The following SLC4A8 variants were observed in gnomAD, a reference collection of about 807,000 sequenced individuals.
SLC4A8 encodes the protein electroneutral sodium bicarbonate exchanger 1.
Under a neutral mutation model 125.0 loss-of-function variants are expected in SLC4A8, and 40 were observed. The observed-to-expected ratio is 0.32, with a 90% CI of 0.25 to 0.42. SLC4A8 has a LOEUF of 0.42. Among genes scored for constraint, SLC4A8 ranks in the 10% least tolerant of loss-of-function variants. The pLI, the probability that SLC4A8 is intolerant of heterozygous loss-of-function variation, is 1.00. For missense variants in SLC4A8, 863 were observed against 1,355.1 expected (o/e 0.64, Z 5.70); for synonymous variants, 456 against 476.0 (o/e 0.96, Z 0.55).
At chr12:51,455,072 C>A (rs1950094537) in intron 5 of SLC4A8, among the ~76,000 whole-genome samples, 1 of 130,724 alleles carries the variant, frequency 7.6e-6, no homozygotes, top group Non-Finnish European at 1.6e-5. Flanking sequence ...GCCCTTAATC[C>A]ATTTAACTCT....
At position 51,497,064 on chromosome 12, in the gene SLC4A8, C is replaced by T; in HGVS notation, c.3021C>T (p.Leu1007=). The T allele has an allele frequency of 6.2e-7, 1 of 1,613,740 alleles. No homozygotes were observed. Residue 1007 remains leucine, a synonymous_variant, in exon 22 of 25, where the codon CTC becomes CTT. Transcript: ENST00000453097. ...SKRELSWLDD[L]MPESKKKKLD... ...GAGAGCTGAGCTGGCTAGATGATCTCATGCCTGAAAGCAAAAAGAAGAAGT... is the reference window on the plus strand; with the variant it reads ...GAGAGCTGAGCTGGCTAGATGATCTTATGCCTGAAAGCAAAAAGAAGAAGT...
At chr12:51,492,545 C>T (rs551192840) in intron 19 of SLC4A8, among the ~76,000 whole-genome samples, 3 of 152,350 alleles carry the variant, frequency 2.0e-5, no homozygotes, top group South Asian at 2.1e-4. Context: ...CATCCCTGGG[C>T]TTTCCCCTAG....
chr12:51,394,698 G>T (rs139761747), intron 1 of SLC4A8, among the ~76,000 whole-genome samples: 1,607 of 152,278 alleles, frequency 0.011, 29 homozygotes, highest in African/African-American at 0.036. Context: ...AGGGTGGAGG[G>T]TGGGAAGAGG....
At chr12:51,441,206 C>A (rs541884943) in intron 2 of SLC4A8, 2 of 982,414 alleles carry the variant, frequency 2.0e-6, no homozygotes, top group African/African-American at 1.8e-5. Flanking sequence ...CTATTTTTAC[C>A]CCATTTCCAA....
At chr12:51,469,877 G>A (rs1950642311) in intron 12 of SLC4A8, 89 bp downstream of exon 12, 5 of 1,207,928 alleles carry the variant, frequency 4.1e-6, no homozygotes, top group Non-Finnish European at 6.0e-6. Flanking sequence ...AAATTACTTG[G>A]TCTAGGACTG....
chr12:51,483,739 TC>T (rs1301712457), intron 16 of SLC4A8, among the ~76,000 whole-genome samples: 1 of 152,028 alleles, frequency 6.6e-6, no homozygotes, highest in African/African-American at 2.4e-5. Flanking sequence ...TAACAGGGAT[TC>T]TTTTTTTTTT....
intron 13 of SLC4A8, 82 bp downstream of exon 13, chr12:51,470,607 A>G: frequency 7.9e-7 from 1 of 1,260,106 alleles, no homozygotes; most frequent in South Asian, 1.3e-5. Context: ...TCTACTCAGT[A>G]CAGACAGGCA....
intron 1 of SLC4A8, among the ~76,000 whole-genome samples, chr12:51,409,070 G>A (rs915712406): frequency 6.6e-6 from 1 of 151,780 alleles, no homozygotes; most frequent in African/African-American, 2.4e-5. Flanking sequence ...CTGTTGCCCA[G>A]GCTGAGTGCA....
chr12:51,422,287 G>A (rs571337806), upstream of SLC4A8: 11 of 152,168 alleles, frequency 7.2e-5, no homozygotes, highest in Non-Finnish European at 7.4e-5. Context: ...AGCCTTCAGC[G>A]TCCTGCTTTT....
At chr12:51,409,449 C>T (rs1948555513) in intron 1 of SLC4A8, among the ~76,000 whole-genome samples, 2 of 152,146 alleles carry the variant, frequency 1.3e-5, no homozygotes, top group African/African-American at 2.4e-5. Context: ...CCTAGTCACT[C>T]GCTTCTCTGA....
intron 1 of SLC4A8, among the ~76,000 whole-genome samples, chr12:51,438,458 T>C (rs1565775824): frequency 6.6e-6 from 1 of 152,256 alleles, no homozygotes; most frequent in Non-Finnish European, 1.5e-5. Context: ...AATGACAAGA[T>C]TTCATACTTT....
intron 14 of SLC4A8, among the ~76,000 whole-genome samples, chr12:51,473,159 A>T (rs1950757119): frequency 6.6e-6 from 1 of 152,204 alleles, no homozygotes; most frequent in Non-Finnish European, 1.5e-5. Flanking sequence ...TTATAATATC[A>T]TACAGAATAC....
In SLC4A8 at chr12:51,505,817, C is replaced by T; in HGVS notation, c.3174-18C>T. 8.9e-7 allele frequency: 1 copy of T among 1,126,468 alleles called. No individual in the cohort carries two copies. The highest frequency in any genetic ancestry group is 1.3e-5 in the South Asian group (1 of 77,712). The allele number at this position is 1,126,468 out of a possible 1,614,324, so 69.8% of individuals were successfully genotyped here. ...TACTTGTATGTCTGACATTCACTGTCCTAATGATTGATTTCAGATGTGACC... is the reference window on the plus strand; with the variant it reads ...TACTTGTATGTCTGACATTCACTGTTCTAATGATTGATTTCAGATGTGACC... On this transcript the variant is annotated intron_variant, in intron 23 of 24. Coordinates refer to ENST00000453097, the MANE Select transcript of SLC4A8 (RefSeq NM_001039960.3).
intron 5 of SLC4A8, among the ~76,000 whole-genome samples, chr12:51,453,919 T>G (rs1950048646): frequency 1.3e-5 from 2 of 152,230 alleles, no homozygotes; most frequent in Non-Finnish European, 1.5e-5. Context: ...TGACATGGTG[T>G]TAAGTTTCCA....
intron 1 of SLC4A8, among the ~76,000 whole-genome samples, chr12:51,399,203 C>T (rs1948323262): frequency 6.6e-6 from 1 of 152,180 alleles, no homozygotes; most frequent in Admixed American, 6.5e-5. Context: ...CTCTTAATAT[C>T]CTAAAATGTT....
chr12:51,479,657 TG>T, intron 16 of SLC4A8, among the ~76,000 whole-genome samples: 1 of 135,358 alleles, frequency 7.4e-6, no homozygotes, highest in Non-Finnish European at 1.5e-5. Context: ...CATTCCAGCC[TG>T]GGCGACAGAG....
chr12:51,415,527 A>G (rs773239088), intron 1 of SLC4A8, among the ~76,000 whole-genome samples: 4 of 151,926 alleles, frequency 2.6e-5, no homozygotes, highest in Admixed American at 6.6e-5. Context: ...TGTGAGCTTT[A>G]CTTATGTTTT....
Position 51,424,835 on chromosome 12 carries a change from G to A in SLC4A8, c.-153G>A. The stretch of plus-strand genomic sequence containing the variant: ...ATTGGTTGCGGCGGATGCCTCGCGG[G>A]CCGGTGGCTATGGAGGCGGCGGCGG... On this transcript the variant is annotated 5_prime_UTR_variant, in exon 1 of 25. Transcript: ENST00000453097. The A allele has an allele frequency of 1.3e-6, 1 of 747,744 alleles. No individual in the cohort carries two copies. Among genetic ancestry groups the A allele is most frequent in the Non-Finnish European group, 2.2e-6 (1 of 462,732 alleles). The allele number at this position is 747,744 out of a possible 1,614,324, so 46.3% of individuals were successfully genotyped here.
chr12:51,456,372 T>G (rs1673547847), intron 5 of SLC4A8, among the ~76,000 whole-genome samples: 1 of 152,192 alleles, frequency 6.6e-6, no homozygotes, highest in African/African-American at 2.4e-5. Context: ...AGTACTTGAA[T>G]AGTCATGAAT....
Sources: allele counts gnomAD v4.1 joint callset (sites outside exome capture counted in the v4.1 genomes callset), GRCh38; gene constraint gnomAD v4.1.1; transcripts MANE v1.5; gene names NCBI Gene and HGNC (gene_info 2026-07-23, HGNC 2026-07-21).